ARID5A: variants seen among roughly 807,000 people sequenced by gnomAD.
The protein encoded by ARID5A is AT-rich interactive domain-containing protein 5A.
In ARID5A, 14 loss-of-function variants were observed where a neutral mutation model predicts 30.5. The observed-to-expected ratio is 0.46, with a 90% CI of 0.30 to 0.72. The LOEUF is 0.72. ARID5A is among the 30% of genes least tolerant of loss of function. The pLI is 0.07. For missense variants in ARID5A, 669 were observed against 786.2 expected (o/e 0.85, Z 1.78); for synonymous variants, 338 against 340.4 (o/e 0.99, Z 0.08).
Position 96,551,148 on chromosome 2 carries a change from C to T in ARID5A, c.620C>T (p.Pro207Leu), listed in dbSNP as rs1263262915. 3 of 1,613,616 alleles carry T rather than the reference C, an allele frequency of 1.9e-6. No homozygotes were observed. Among genetic ancestry groups the T allele is most frequent in the Non-Finnish European group, 2.5e-6 (3 of 1,179,914 alleles). The change falls in exon 7 of 7, where the codon CCC (proline) becomes CTC (leucine). Residue 207 changes from proline (P) to leucine (L), a missense_variant. This residue lies in a region of ARID5A where 548 missense variants were observed against 577.4 expected (regional missense o/e 0.95). Coordinates refer to ENST00000357485, the MANE Select transcript of ARID5A (RefSeq NM_212481.3). ...KADAADPAPL[P>L]SQEPPRNSTE... ...GATGCTGCTGACCCAGCACCACTTC[C>T]CAGCCAGGAGCCCCCCAGGAACAGC...
At position 96,547,420 on chromosome 2, in the gene ARID5A, A is replaced by G; in HGVS notation, c.23A>G (p.Asn8Ser). 1 of 1,613,784 alleles carries G rather than the reference A, an allele frequency of 6.2e-7. No individual in the cohort carries two copies. The highest frequency in any genetic ancestry group is 8.5e-7 in the Non-Finnish European group (1 of 1,179,886). The change falls in exon 2 of 7, where the codon AAC becomes AGC. Residue 8 changes from asparagine (N) to serine (S), a missense_variant. Physicochemically the swap from Asn to Ser is conservative, Grantham distance 46. Around this residue, in one of 4 missense-constraint regions of ARID5A, gnomAD observed 56 missense variants for 72.8 expected, o/e 0.77. Coordinates refer to ENST00000357485, the MANE Select transcript of ARID5A (RefSeq NM_212481.3). MAAPVKG[N>S]RKQSTEGDAL... ...CTTGCAGCAGCCCCTGTCAAAGGGAACAGGAAGCAGTCCACGGAGGGTGAC... is the reference window on the plus strand; with the variant it reads ...CTTGCAGCAGCCCCTGTCAAAGGGAGCAGGAAGCAGTCCACGGAGGGTGAC...
At position 96,537,792 on chromosome 2, in the gene ARID5A, G is replaced by A; in HGVS notation, c.4+962G>A. On this transcript the variant is annotated intron_variant, in intron 1 of 6. Transcript: ENST00000357485. The surrounding 1 kb of genome is among the most constrained non-coding windows in gnomAD (Gnocchi z 4.8). ...GTCGCGTCACCCTCCGCCCAGCGCC[G>A]GCGTGGTGGGGCTTGCGCGGTGCAG... 5.5e-6 allele frequency: 5 copies of A among 917,072 alleles called. No homozygotes were observed. Among genetic ancestry groups the A allele is most frequent in the Non-Finnish European group, 6.5e-6 (5 of 767,558 alleles). 56.8% of individuals were successfully genotyped at this position (917,072 alleles called of 1,614,324 possible).
chr2:96,538,166 C>G (rs1417579092), intron 1 of ARID5A: 2 of 985,324 alleles, frequency 2.0e-6, no homozygotes, highest in Admixed American at 6.1e-5. Context: ...GAGACGTCAA[C>G]TGGCACCTCT....
At chr2:96,552,636 G>A (rs767710615), downstream of ARID5A, 12 of 1,372,238 alleles carry the variant, frequency 8.7e-6, no homozygotes, top group Non-Finnish European at 1.0e-5. Flanking sequence ...GTGAATCCAC[G>A]TAGCCCTGAG....
At chr2:96,542,492 C>T (rs919913816) in intron 1 of ARID5A, among the ~76,000 whole-genome samples, 1 of 152,194 alleles carries the variant, frequency 6.6e-6, no homozygotes, top group Non-Finnish European at 1.5e-5. Context: ...GTGGTCCAGG[C>T]AGAGCTTGCA....
At position 96,551,647 on chromosome 2, in the gene ARID5A, G is replaced by T. The variant is rs899291346; in HGVS notation, c.1119G>T (p.Gly373=). The change falls in exon 7 of 7, where the codon GGG becomes GGT. Residue 373 remains glycine (G), a synonymous_variant. Transcript: ENST00000357485. ...GACTTAAAGATGGGGTGCTATTGGG[G>T]CCTCCTGGCAAAGAGGGGCTGTCAG... The part of the protein sequence containing the change: ...FSRLKDGVLL[G]PPGKEGLSVK... The T allele has an allele frequency of 6.6e-6, 10 of 1,525,852 alleles. No individual in the cohort carries two copies. 94.5% of individuals were successfully genotyped at this position (1,525,852 alleles called of 1,614,324 possible).
intron 1 of ARID5A, among the ~76,000 whole-genome samples, chr2:96,545,054 G>A (rs1328597496): frequency 6.6e-6 from 1 of 152,062 alleles, no homozygotes; most frequent in East Asian, 1.9e-4. Context: ...GCAATCTCAT[G>A]ATCAAACTTG....
intron 1 of ARID5A, among the ~76,000 whole-genome samples, chr2:96,544,680 A>C (rs1338083910): frequency 6.6e-6 from 1 of 152,258 alleles, no homozygotes; most frequent in Admixed American, 6.5e-5. Context: ...AAAATGTACC[A>C]GGAGCTGCAT....
In ARID5A at chr2:96,549,130, G is replaced by A. The variant is rs988089774; in HGVS notation, c.121-191G>A. 2.0e-5 allele frequency among the ~76,000 whole-genome samples: 3 copies of A among 152,200 alleles called. No homozygotes were observed. Among genetic ancestry groups the A allele is most frequent in the Non-Finnish European group, 4.4e-5 (3 of 68,028 alleles). ...TGGACTCTAGCTCCTGTCCTGGGGC[G>A]CTGAGAGCTGACACCTGTGTCTGCC... On this transcript the variant is annotated intron_variant, in intron 2 of 6. Transcript: ENST00000357485. The surrounding 1 kb of genome is among the most constrained non-coding windows in gnomAD (Gnocchi z 6.1).
chr2:96,549,011 G>A lies in ARID5A; in HGVS notation c.121-310G>A, dbSNP rs915676575. Reference sequence around the variant, plus strand: ...AATAGGACAAATCAAGAACAAGACAGAGAAGTGACCCTGGCCTGGAGAAGG... The same window carrying A: ...AATAGGACAAATCAAGAACAAGACAAAGAAGTGACCCTGGCCTGGAGAAGG... On this transcript the variant is annotated intron_variant, in intron 2 of 6. Transcript: ENST00000357485. The surrounding 1 kb of genome is among the most constrained non-coding windows in gnomAD (Gnocchi z 6.1). 7.9e-5 allele frequency among the ~76,000 whole-genome samples: 12 copies of A among 152,342 alleles called. No individual in the cohort carries two copies. Among genetic ancestry groups the A allele is most frequent in the Non-Finnish European group, 1.6e-4 (11 of 68,024 alleles).
chr2:96,546,711 C>A (rs1050394125), intron 1 of ARID5A, among the ~76,000 whole-genome samples: 1 of 152,196 alleles, frequency 6.6e-6, no homozygotes, highest in Non-Finnish European at 1.5e-5. Flanking sequence ...TCACCAGGAC[C>A]CTTGTAGGTG....
intron 1 of ARID5A, 40 bp from the exon 2 acceptor site, chr2:96,547,362 C>G (rs924301161): frequency 6.4e-7 from 1 of 1,565,482 alleles, no homozygotes; most frequent in Non-Finnish European, 8.8e-7. Flanking sequence ...ATGCTCTCTC[C>G]CCACCCCTTC....
Position 96,549,673 on chromosome 2 carries a change from G to C in ARID5A, c.260-80G>C. The C allele has an allele frequency of 6.2e-7, 1 of 1,601,948 alleles. No individual in the cohort carries two copies. Among genetic ancestry groups the C allele is most frequent in the Non-Finnish European group, 8.5e-7 (1 of 1,169,676 alleles). On this transcript the variant is annotated intron_variant, in intron 3 of 6. Coordinates refer to ENST00000357485, the MANE Select transcript of ARID5A (RefSeq NM_212481.3). This position sits in a 1 kb window ranked among gnomAD's most constrained non-coding sequence, Gnocchi z 6.1. ...GTGTGTGCTGGTCTGTGCCTGGCCT[G>C]TCAGGGCACCAGGAAGGGGTGGCAT...
At chr2:96,538,459 C>T (rs2065784096) in intron 1 of ARID5A, 1 of 503,862 alleles carries the variant, frequency 2.0e-6, no homozygotes, top group Non-Finnish European at 2.6e-6. Flanking sequence ...CTCGCCCTCC[C>T]CCAAGCTGAG....
At position 96,552,331 on chromosome 2, in the gene ARID5A, T is replaced by G. The variant is rs1229624849; in HGVS notation, c.*18T>G. 1.2e-6 allele frequency: 2 copies of G among 1,613,146 alleles called. No individual in the cohort carries two copies. The highest frequency in any genetic ancestry group is 4.5e-5 in the East Asian group (2 of 44,894). On this transcript the variant is annotated 3_prime_UTR_variant, in exon 7 of 7. Transcript: ENST00000357485. ...AGCTGTAGGCCAGCCCATGGTGTTGTGTACACTGTGGAGTCGACAGGGGCC... is the reference window on the plus strand; with the variant it reads ...AGCTGTAGGCCAGCCCATGGTGTTGGGTACACTGTGGAGTCGACAGGGGCC...
chr2:96,550,540 G>T lies in ARID5A; in HGVS notation c.411-34G>T. ...GAGGCCCAGGGAGGGGATGGGCGCC[G>T]GCCTCCTGGGGGACATGCGTGGTTC... On this transcript the variant is annotated intron_variant, in intron 5 of 6. Coordinates refer to ENST00000357485, the MANE Select transcript of ARID5A (RefSeq NM_212481.3). The surrounding 1 kb of genome is among the most constrained non-coding windows in gnomAD (Gnocchi z 6.6). 1 of 1,564,492 alleles carries T rather than the reference G, an allele frequency of 6.4e-7. No individual in the cohort carries two copies. Among genetic ancestry groups the T allele is most frequent in the Non-Finnish European group, 8.7e-7 (1 of 1,154,916 alleles).
intron 1 of ARID5A, among the ~76,000 whole-genome samples, chr2:96,541,243 G>T (rs2104667385): frequency 6.6e-6 from 1 of 152,036 alleles, no homozygotes; most frequent in Admixed American, 6.5e-5. Flanking sequence ...TCACCATGTT[G>T]GCCAGGATGG....
In ARID5A at chr2:96,547,529, C is replaced by A; in HGVS notation, c.120+12C>A. On this transcript the variant is annotated intron_variant, in intron 2 of 6. Coordinates refer to ENST00000357485, the MANE Select transcript of ARID5A (RefSeq NM_212481.3). Reference sequence around the variant, plus strand: ...CCATCTCGCTGGAGGTGAGTTGACTCCCTCTGCTGACTCCCTGGGCACTCT... The same window carrying A: ...CCATCTCGCTGGAGGTGAGTTGACTACCTCTGCTGACTCCCTGGGCACTCT... 1 of 1,612,332 alleles carries A rather than the reference C, an allele frequency of 6.2e-7. No individual in the cohort carries two copies. The highest frequency in any genetic ancestry group is 8.5e-7 in the Non-Finnish European group (1 of 1,178,748).
At chr2:96,542,246 G>C (rs1340940206) in intron 1 of ARID5A, among the ~76,000 whole-genome samples, 7 of 152,206 alleles carry the variant, frequency 4.6e-5, no homozygotes, top group African/African-American at 1.7e-4. Flanking sequence ...TAATGCTGCA[G>C]AAGAGGGGGC....
Sources: allele counts gnomAD v4.1 joint callset (sites outside exome capture counted in the v4.1 genomes callset), GRCh38; gene constraint gnomAD v4.1.1; regional missense constraint gnomAD v4.1.1; non-coding constraint Gnocchi (gnomAD v3.1); transcripts MANE v1.5; gene names NCBI Gene and HGNC (gene_info 2026-07-23, HGNC 2026-07-21).